Variants in DPY19L3 observed in about 807,000 individuals in gnomAD.
DPY19L3 encodes dpy-19 like C-mannosyltransferase 3.
DPY19L3 carries 51 observed loss-of-function variants against 92.3 expected under a neutral mutation model. The observed-to-expected ratio is 0.55, with a 90% CI of 0.44 to 0.70. The LOEUF is 0.70. Among genes scored for constraint, DPY19L3 ranks in the 30% least tolerant of loss-of-function variants. The pLI is 0.00. For missense variants in DPY19L3, 706 were observed against 855.9 expected, an observed-to-expected ratio of 0.82 and a Z score of 2.18; for synonymous variants, 309 against 315.2, an observed-to-expected ratio of 0.98 and a Z score of 0.21.
At position 32,458,431 on chromosome 19, in the gene DPY19L3, C is replaced by T; in HGVS notation, c.1244C>T (p.Thr415Ile). The T allele has an allele frequency of 6.2e-7, 1 of 1,613,870 alleles. No homozygotes were observed. The highest frequency in any genetic ancestry group is 1.1e-5 in the South Asian group (1 of 91,080). Reference protein sequence around the residue: ...PFNTFGRLSDTLLFYAYIFVL... With the variant: ...PFNTFGRLSDILLFYAYIFVL... ...AATACATTTGGAAGGCTTTCAGATA[C>T]TCTGCTTTTTTATGCTTACATATTC... Residue 415 changes from threonine (T) to isoleucine (I), a missense_variant, in exon 12 of 19, where the codon ACT (threonine) becomes ATT (isoleucine). Transcript: ENST00000392250.
In DPY19L3 at chr19:32,485,031, A is replaced by G. The variant is rs939990491; in HGVS notation, c.*2791A>G. ...TCTAAACTGAGAAGAAGGGACCCAA[A>G]TCATGTTATTGGTGTGATTTATGTG... On this transcript the variant is annotated 3_prime_UTR_variant, in exon 19 of 19. Coordinates refer to ENST00000392250, the MANE Select transcript of DPY19L3 (RefSeq NM_001172774.2). 6.6e-6 allele frequency: 1 copy of G among 152,184 alleles called. No individual in the cohort carries two copies. The highest frequency in any genetic ancestry group is 2.1e-4 in the South Asian group (1 of 4,834). 9.4% of individuals were successfully genotyped at this position (152,184 alleles called of 1,614,324 possible).
intron 6 of DPY19L3, among the ~76,000 whole-genome samples, chr19:32,438,419 T>C (rs1034150552): frequency 6.6e-5 from 10 of 152,280 alleles, no homozygotes; most frequent in African/African-American, 2.4e-4. Context: ...GATACAGATA[T>C]TACAGACATC....
At chr19:32,417,183 C>T (rs1968406028) in intron 3 of DPY19L3, among the ~76,000 whole-genome samples, 1 of 152,206 alleles carries the variant, frequency 6.6e-6, no homozygotes, top group Non-Finnish European at 1.5e-5. Context: ...GTGTCCCCAC[C>T]CAAATCTCAT....
intron 2 of DPY19L3, among the ~76,000 whole-genome samples, chr19:32,408,645 AT>A (rs1469134845): frequency 2.0e-5 from 3 of 152,044 alleles, no homozygotes; most frequent in African/African-American, 7.2e-5. Flanking sequence ...CACACCCCAG[AT>A]TTTAGTCTCT....
At chr19:32,474,038 A>G (rs1168184631) in intron 16 of DPY19L3, among the ~76,000 whole-genome samples, 1 of 152,098 alleles carries the variant, frequency 6.6e-6, no homozygotes, top group African/African-American at 2.4e-5. Context: ...CCTGACCTCA[A>G]GCAATCTACC....
At chr19:32,435,287 A>G (rs759684206) in intron 4 of DPY19L3, among the ~76,000 whole-genome samples, 6 of 152,186 alleles carry the variant, frequency 3.9e-5, no homozygotes, top group Non-Finnish European at 8.8e-5. Flanking sequence ...GTCTCCAAGA[A>G]CAGTCATATT....
At chr19:32,462,886 A>T (rs1456529870) in intron 12 of DPY19L3, among the ~76,000 whole-genome samples, 2 of 152,194 alleles carry the variant, frequency 1.3e-5, no homozygotes, top group Non-Finnish European at 2.9e-5. Context: ...ATTTGGTAAA[A>T]GTCATCTTTT....
At chr19:32,455,821 G>A (rs141756973) in intron 10 of DPY19L3, among the ~76,000 whole-genome samples, 10 of 152,190 alleles carry the variant, frequency 6.6e-5, no homozygotes, top group East Asian at 1.9e-4. Context: ...TTTTATTGGC[G>A]TTTTAATTTT....
chr19:32,462,631 T>G (rs1402655763), intron 12 of DPY19L3, among the ~76,000 whole-genome samples: 1 of 152,198 alleles, frequency 6.6e-6, no homozygotes, highest in Non-Finnish European at 1.5e-5. Flanking sequence ...CTTCAGGACA[T>G]ATGTTCTCTA....
chr19:32,453,225 A>T lies in DPY19L3; in HGVS notation c.936A>T (p.Gly312=). ...ILQFFNSMIL[G]SLLISFNLSV... ...AGTTTTTTAATTCCATGATTCTTGG[A>T]TCACTGCTTATCAGTTTTAACCTTT... The change falls in exon 9 of 19, where the codon GGA becomes GGT. Residue 312 remains glycine, a synonymous_variant. Transcript: ENST00000392250. The T allele has an allele frequency of 6.2e-7, 1 of 1,613,994 alleles. No homozygotes were observed. The highest frequency in any genetic ancestry group is 1.1e-5 in the South Asian group (1 of 91,074).
intron 14 of DPY19L3, 47 bp from the exon 15 acceptor site, chr19:32,464,680 GA>G: frequency 1.6e-6 from 2 of 1,245,624 alleles, no homozygotes; most frequent in Admixed American, 2.4e-5. Flanking sequence ...TCTCAAAAAA[GA>G]AAAGGTTCAA....
rs937690843 is a variant in DPY19L3 at position 32,439,249 on chromosome 19, A to G, written c.720+14A>G. ...CCTCTTTCTGAAGTAAGTGTTTATA[A>G]AATTTCATATATTTTAATCCCCCAA... On this transcript the variant is annotated intron_variant, in intron 7 of 18. Coordinates refer to ENST00000392250, the MANE Select transcript of DPY19L3 (RefSeq NM_001172774.2). The G allele has an allele frequency of 1.1e-5, 18 of 1,605,764 alleles. No individual in the cohort carries two copies. Among genetic ancestry groups the G allele is most frequent in the Non-Finnish European group, 1.4e-5 (17 of 1,176,620 alleles).
At chr19:32,442,347 G>A (rs1363030928) in intron 8 of DPY19L3, among the ~76,000 whole-genome samples, 1 of 152,044 alleles carries the variant, frequency 6.6e-6, no homozygotes, top group Admixed American at 6.5e-5. Context: ...AAAATATGGA[G>A]GTTAATAAAG....
At chr19:32,437,448 G>A (rs1599623098) in intron 6 of DPY19L3, 109 bp downstream of exon 6, 4 of 1,330,646 alleles carry the variant, frequency 3.0e-6, no homozygotes, top group Middle Eastern at 2.3e-4. Flanking sequence ...TTGGTTGGGA[G>A]CAGTTTCTCT....
Position 32,453,219 on chromosome 19 carries a change from T to C in DPY19L3, c.930T>C (p.Ile310=). ...VCILQFFNSM[I]LGSLLISFNL... is the part of the protein sequence containing the mutation. ...TTCTTCAGTTTTTTAATTCCATGATTCTTGGATCACTGCTTATCAGTTTTA... is the reference window on the plus strand; with the variant it reads ...TTCTTCAGTTTTTTAATTCCATGATCCTTGGATCACTGCTTATCAGTTTTA... Residue 310 remains isoleucine, a synonymous_variant, in exon 9 of 19, where the codon ATT becomes ATC. Transcript: ENST00000392250. 1.2e-6 allele frequency: 2 copies of C among 1,614,082 alleles called. No individual in the cohort carries two copies. The highest frequency in any genetic ancestry group is 1.7e-6 in the Non-Finnish European group (2 of 1,179,970).
chr19:32,478,861 CT>C (rs569286851), intron 17 of DPY19L3, among the ~76,000 whole-genome samples: 194 of 152,326 alleles, frequency 1.3e-3, no homozygotes, highest in African/African-American at 4.6e-3. Flanking sequence ...GCACATCACT[CT>C]TTCCAGGCAC....
At chr19:32,407,071 C>A (rs1967985304) in intron 1 of DPY19L3, among the ~76,000 whole-genome samples, 1 of 150,340 alleles carries the variant, frequency 6.7e-6, no homozygotes, top group Admixed American at 6.6e-5. Flanking sequence ...TTCTGTAGAG[C>A]AAGTTACCCT....
chr19:32,430,921 C>G (rs960408301), intron 3 of DPY19L3, among the ~76,000 whole-genome samples: 25 of 152,040 alleles, frequency 1.6e-4, no homozygotes, highest in African/African-American at 5.8e-4. Context: ...GCCACCGCAC[C>G]CAGCCTGAGT....
At chr19:32,419,200 G>A (rs1007312731) in intron 3 of DPY19L3, among the ~76,000 whole-genome samples, 4 of 145,698 alleles carry the variant, frequency 2.7e-5, no homozygotes, top group East Asian at 4.0e-4. Flanking sequence ...TCGCTGTGTC[G>A]CCCAGGCTGG....
Sources: gnomAD v4.1 joint callset for allele counts (sites outside exome capture counted in the v4.1 genomes callset) on GRCh38, gnomAD v4.1.1 for gene constraint, MANE v1.5 for transcripts, NCBI Gene and HGNC (gene_info 2026-07-23, HGNC 2026-07-21) for gene names.